Variants in GRIP1 observed in about 807,000 individuals in gnomAD.
GRIP1 encodes glutamate receptor interacting protein 1, also known as glutamate receptor-interacting protein 1.
Under a neutral mutation model 129.9 loss-of-function variants are expected in GRIP1, and 45 were observed. The ratio of observed to expected loss-of-function variants is 0.35; its 90% CI spans 0.27 to 0.44. The LOEUF (loss-of-function observed/expected upper bound fraction) is 0.44, where lower values mean the gene tolerates loss of function less well. Among genes scored for constraint, GRIP1 ranks in the 20% least tolerant of loss-of-function variants. GRIP1 has a pLI of 1.00. For synonymous variants in GRIP1, 530 were observed against 520.8 expected (o/e 1.02, Z -0.24); for missense variants, 1,196 against 1,396.8 (o/e 0.86, Z 2.29).
At chr12:66,498,461 T>C (rs1378803236) in intron 7 of GRIP1, among the ~76,000 whole-genome samples, 3 of 152,226 alleles carry the variant, frequency 2.0e-5, no homozygotes, top group Non-Finnish European at 2.9e-5. Flanking sequence ...GGCATAACAG[T>C]TTGAATTCTG....
intron 1 of GRIP1, among the ~76,000 whole-genome samples, chr12:67,045,405 T>A (rs1366266259): frequency 1.3e-5 from 2 of 152,134 alleles, no homozygotes; most frequent in African/African-American, 4.8e-5. Context: ...TAGCTGGAAA[T>A]CCTGTATTTA....
chr12:66,773,368 G>A (rs1566015035), intron 1 of GRIP1, among the ~76,000 whole-genome samples: 1 of 152,132 alleles, frequency 6.6e-6, no homozygotes, highest in African/African-American at 2.4e-5. Flanking sequence ...GGATTGATGG[G>A]TCAAATGGTA....
chr12:66,826,312 G>A (rs2039411679), intron 1 of GRIP1, among the ~76,000 whole-genome samples: 1 of 152,094 alleles, frequency 6.6e-6, no homozygotes, highest in African/African-American at 2.4e-5. Context: ...GGGGATGCGG[G>A]GATAGGGGAG....
At chr12:66,506,395 C>T (rs1180063040) in intron 7 of GRIP1, among the ~76,000 whole-genome samples, 1 of 152,088 alleles carries the variant, frequency 6.6e-6, no homozygotes, top group Non-Finnish European at 1.5e-5. Flanking sequence ...CAATATGATA[C>T]AATCTCACAA....
chr12:66,915,478 G>C (rs754367918), intron 1 of GRIP1, among the ~76,000 whole-genome samples: 3 of 152,148 alleles, frequency 2.0e-5, no homozygotes, highest in African/African-American at 7.2e-5. Context: ...GGTGACAAAG[G>C]CGAGTGAGAC....
At chr12:66,977,289 C>T (rs1191385230) in intron 1 of GRIP1, among the ~76,000 whole-genome samples, 1 of 149,334 alleles carries the variant, frequency 6.7e-6, no homozygotes, top group African/African-American at 2.5e-5. Context: ...GGTACAGGTG[C>T]AGGTCAAACT....
intron 1 of GRIP1, among the ~76,000 whole-genome samples, chr12:66,940,655 T>C (rs113338752): frequency 0.018 from 2,764 of 152,302 alleles, 96 homozygotes; most frequent in African/African-American, 0.063. Context: ...CCAAGCTACT[T>C]GAATGGTCCT....
rs775312134 is a variant in GRIP1, at chr12:66,392,490, G to A, written c.2282C>T (p.Ser761Leu). ...AGAAATAGGGAACTTCTTGGGGCTC[G>A]ATGCTGACTGGGCTTTATAGACAGG... ...IKKQTDAQSA[S>L]SPKKFPISSH... The change falls in exon 19 of 25, where the codon TCG becomes TTG. Residue 761 changes from serine to leucine, a missense_variant. Ser to Leu is a moderately radical substitution (Grantham distance 145). This residue lies in a region of GRIP1 where 427 missense variants were observed against 463.3 expected (regional missense o/e 0.92). Coordinates refer to ENST00000359742, the MANE Select transcript of GRIP1 (RefSeq NM_001366722.1). 7.4e-6 allele frequency: 12 copies of A among 1,613,810 alleles called. No homozygotes were observed. The Admixed American group carries it at 8.3e-5, about 11-fold the overall frequency.
At chr12:66,501,285 A>T (rs919220892) in intron 7 of GRIP1, among the ~76,000 whole-genome samples, 5 of 152,236 alleles carry the variant, frequency 3.3e-5, no homozygotes, top group Non-Finnish European at 5.9e-5. Context: ...ATTACATACC[A>T]AGTACTGAAG....
At chr12:66,429,658 T>C (rs2058088138) in intron 14 of GRIP1, among the ~76,000 whole-genome samples, 1 of 152,112 alleles carries the variant, frequency 6.6e-6, no homozygotes, top group South Asian at 2.1e-4. Context: ...ATAGTGCCGC[T>C]GCACTCCAGC....
At chr12:66,666,995 C>T (rs922706573) in intron 1 of GRIP1, among the ~76,000 whole-genome samples, 11 of 151,846 alleles carry the variant, frequency 7.2e-5, no homozygotes, top group African/African-American at 2.4e-4. Context: ...TCATTTTCCA[C>T]GATGTCCTGG....
At chr12:66,551,953 C>G (rs1288551517) in intron 2 of GRIP1, among the ~76,000 whole-genome samples, 2 of 152,092 alleles carry the variant, frequency 1.3e-5, no homozygotes, top group African/African-American at 4.8e-5. Flanking sequence ...TTAGAATGAT[C>G]AGATGTTCTG....
At chr12:66,568,452 G>A (rs547610528) in intron 2 of GRIP1, 63 of 168,282 alleles carry the variant, frequency 3.7e-4, no homozygotes, top group East Asian at 3.1e-3. Context: ...GTGTGGTAAC[G>A]CTCTTATGCT....
In GRIP1 at chr12:66,575,556, T is replaced by A. The variant is rs956708087; in HGVS notation, c.136+21291A>T. On this transcript the variant is annotated intron_variant, in intron 2 of 24. Transcript: ENST00000359742. ...TTGTGTCTGAAGAGCAGAAGAAGAG[T>A]TCTTGCCACCATAATGACAACCACC... Among the ~76,000 whole-genome samples, 11 of 152,318 alleles carry A rather than the reference T, an allele frequency of 7.2e-5. No homozygotes were observed. The South Asian group carries it at 1.0e-3, about 14-fold the overall frequency.
At chr12:66,455,221 G>A (rs983576086) in intron 11 of GRIP1, among the ~76,000 whole-genome samples, 188 bp downstream of exon 11, 1 of 152,200 alleles carries the variant, frequency 6.6e-6, no homozygotes, top group Non-Finnish European at 1.5e-5. Context: ...AAATTGGGGT[G>A]CAGTCATTGC....
chr12:66,651,951 C>A (rs182182661), intron 1 of GRIP1, among the ~76,000 whole-genome samples: 1 of 152,036 alleles, frequency 6.6e-6, no homozygotes, highest in Admixed American at 6.5e-5. Flanking sequence ...GAGGTTGTGG[C>A]ATCTGGAAAT....
chr12:66,980,045 A>G (rs2042221047), intron 1 of GRIP1, among the ~76,000 whole-genome samples: 1 of 152,178 alleles, frequency 6.6e-6, no homozygotes, highest in Non-Finnish European at 1.5e-5. Context: ...GGAGAATGCC[A>G]GTGAGGCTTC....
intron 23 of GRIP1, among the ~76,000 whole-genome samples, chr12:66,366,292 G>C (rs1406771432): frequency 6.6e-6 from 1 of 152,190 alleles, no homozygotes; most frequent in Non-Finnish European, 1.5e-5. Flanking sequence ...GGCTGAGCCT[G>C]TTCCTGACTC....
At chr12:66,978,438 C>T (rs185487118) in intron 1 of GRIP1, among the ~76,000 whole-genome samples, 217 of 152,262 alleles carry the variant, frequency 1.4e-3, no homozygotes, top group Admixed American at 2.7e-3. Context: ...CTTTGATTTA[C>T]CTATTTTTGA....
Sources: allele counts gnomAD v4.1 joint callset (sites outside exome capture counted in the v4.1 genomes callset), GRCh38; gene constraint gnomAD v4.1.1; regional missense constraint gnomAD v4.1.1; transcripts MANE v1.5; gene names NCBI Gene and HGNC (gene_info 2026-07-23, HGNC 2026-07-21).